The following GNG4 variants were observed in gnomAD, a reference collection of about 807,000 sequenced individuals.
GNG4 encodes guanine nucleotide-binding protein G(I)/G(S)/G(O) subunit gamma-4.
A neutral mutation model predicts 5.8 loss-of-function variants in GNG4; 4 were observed. The ratio of observed to expected loss-of-function variants is 0.69; its 90% CI spans 0.34 to 1.57. The LOEUF is 1.57. Among genes scored for constraint, GNG4 ranks in the 40% most tolerant of loss-of-function variants. The probability of loss-of-function intolerance (pLI) is 0.06; values close to 1 mark genes in which losing one functional copy is unlikely to be tolerated. For missense variants in GNG4, 96 were observed against 95.1 expected (o/e 1.01, Z -0.04); for synonymous variants, 29 against 32.9 (o/e 0.88, Z 0.41).
chr1:235,613,336 G>T (rs751677507), intron 1 of GNG4, among the ~76,000 whole-genome samples: 18 of 152,272 alleles, frequency 1.2e-4, no homozygotes, highest in Middle Eastern at 3.4e-3. Context: ...CAGAATAATG[G>T]CTTCCCAAAG....
chr1:235,614,365 C>CT (rs1271897863), intron 1 of GNG4, among the ~76,000 whole-genome samples: 1 of 151,694 alleles, frequency 6.6e-6, no homozygotes, highest in Non-Finnish European at 1.5e-5. Flanking sequence ...TTCATTGACT[C>CT]TTTTTTCTGT....
At chr1:235,558,378 C>A (rs1284135201) in intron 3 of GNG4, among the ~76,000 whole-genome samples, 1 of 152,170 alleles carries the variant, frequency 6.6e-6, no homozygotes, top group Non-Finnish European at 1.5e-5. Flanking sequence ...CCTATATAAC[C>A]TTTATAACCA....
intron 2 of GNG4, among the ~76,000 whole-genome samples, chr1:235,590,530 G>A (rs1367711009): frequency 6.6e-6 from 1 of 152,188 alleles, no homozygotes; most frequent in Non-Finnish European, 1.5e-5. Flanking sequence ...AGATTCTAAT[G>A]TAAGGATGAA....
At chr1:235,621,630 T>C (rs1371014020) in intron 1 of GNG4, among the ~76,000 whole-genome samples, 2 of 151,170 alleles carry the variant, frequency 1.3e-5, no homozygotes, top group Non-Finnish European at 2.9e-5. Flanking sequence ...GAGAGGATTT[T>C]ATTGTTCATA....
intron 1 of GNG4, among the ~76,000 whole-genome samples, chr1:235,609,967 A>G (rs183801952): frequency 2.6e-5 from 4 of 152,336 alleles, no homozygotes; most frequent in African/African-American, 7.2e-5. Context: ...CTTATTTCCT[A>G]CACAGAAAGA....
chr1:235,585,295 A>G (rs1162688294), intron 2 of GNG4, among the ~76,000 whole-genome samples: 4 of 151,120 alleles, frequency 2.6e-5, no homozygotes, highest in Admixed American at 6.6e-5. Context: ...GCTGTAATGC[A>G]GTGGTGCAAT....
intron 2 of GNG4, among the ~76,000 whole-genome samples, chr1:235,586,653 C>A (rs189513312): frequency 1.6e-4 from 25 of 152,300 alleles, no homozygotes; most frequent in Non-Finnish European, 2.9e-4. Context: ...ACTCTGAGTT[C>A]ATCCAAGACC....
chr1:235,587,971 G>T (rs1043939590), intron 2 of GNG4, among the ~76,000 whole-genome samples: 5 of 151,676 alleles, frequency 3.3e-5, no homozygotes, highest in African/African-American at 1.2e-4. Flanking sequence ...TCATGTGGCG[G>T]GGAGGGAACA....
intron 2 of GNG4, among the ~76,000 whole-genome samples, chr1:235,594,023 G>C (rs2774324): frequency 0.37 from 56,648 of 152,002 alleles, 11,364 homozygotes; most frequent in East Asian, 0.79. Flanking sequence ...ACAGAGAGCT[G>C]ATTGGTCTGT....
intron 1 of GNG4, among the ~76,000 whole-genome samples, chr1:235,638,683 G>A (rs1657208723): frequency 6.6e-6 from 1 of 152,094 alleles, no homozygotes; most frequent in Non-Finnish European, 1.5e-5. Flanking sequence ...AGGGCTCGGT[G>A]TGTGATGTTC....
rs753039131 is a variant in GNG4 at position 235,552,136 on chromosome 1, C to T, written c.201G>A (p.Glu67=). The change falls in exon 4 of 4, where the codon GAG becomes GAA. Residue 67 remains glutamate, a synonymous_variant. Coordinates refer to ENST00000391854, the MANE Select transcript of GNG4 (RefSeq NM_001098722.2). ...PVPASENPFR[E]KKFFCTIL ...AGAGAATGGTACAAAAGAACTTCTT[C>T]TCGCGAAAGGGGTTTTCTGATGCAG... 2.5e-6 allele frequency: 4 copies of T among 1,613,856 alleles called. No homozygotes were observed. The highest frequency in any genetic ancestry group is 3.4e-6 in the Non-Finnish European group (4 of 1,179,898).
intron 1 of GNG4, among the ~76,000 whole-genome samples, chr1:235,638,912 G>A (rs1657217175): frequency 6.6e-6 from 1 of 152,044 alleles, no homozygotes; most frequent in Non-Finnish European, 1.5e-5. Flanking sequence ...TCATTGATGG[G>A]CATTTGGGTT....
At chr1:235,578,172 T>TA (rs1199776710) in intron 3 of GNG4, among the ~76,000 whole-genome samples, 1 of 151,976 alleles carries the variant, frequency 6.6e-6, no homozygotes, top group East Asian at 1.9e-4. Context: ...TGACTATTAT[T>TA]AAAAAAACAG....
chr1:235,593,853 G>A (rs901140817), intron 2 of GNG4, among the ~76,000 whole-genome samples: 1 of 152,178 alleles, frequency 6.6e-6, no homozygotes, highest in African/African-American at 2.4e-5. Flanking sequence ...AAGGCAGTGG[G>A]GGCCCAGAGT....
At chr1:235,603,102 G>A (rs1391549031) in intron 1 of GNG4, among the ~76,000 whole-genome samples, 2 of 152,068 alleles carry the variant, frequency 1.3e-5, no homozygotes, top group Non-Finnish European at 2.9e-5. Context: ...AATTAGCCAG[G>A]TGTGGTGGCA....
At chr1:235,579,577 A>T (rs191880327) in intron 3 of GNG4, among the ~76,000 whole-genome samples, 118 of 152,096 alleles carry the variant, frequency 7.8e-4, no homozygotes, top group African/African-American at 2.7e-3. Context: ...AAGGCCGGGC[A>T]TGGTGGCTCA....
intron 3 of GNG4, among the ~76,000 whole-genome samples, chr1:235,553,081 G>A (rs1345340196): frequency 1.3e-5 from 2 of 152,106 alleles, no homozygotes; most frequent in Non-Finnish European, 1.5e-5. Context: ...TTAACTTGGA[G>A]TGGCCACTTC....
chr1:235,611,929 T>C (rs1244857575), intron 1 of GNG4, among the ~76,000 whole-genome samples: 1 of 151,756 alleles, frequency 6.6e-6, no homozygotes. Context: ...CCAGGTATGG[T>C]GGCACATGCT....
chr1:235,640,896 C>A (rs777174099), intron 1 of GNG4, among the ~76,000 whole-genome samples: 1 of 152,264 alleles, frequency 6.6e-6, no homozygotes, highest in Non-Finnish European at 1.5e-5. Context: ...CACAAAACAG[C>A]CAGGCTGTGA....
Sources: allele counts gnomAD v4.1 joint callset (sites outside exome capture counted in the v4.1 genomes callset), GRCh38; gene constraint gnomAD v4.1.1; transcripts MANE v1.5; gene names NCBI Gene and HGNC (gene_info 2026-07-23, HGNC 2026-07-21).